SYNE1: variants seen among roughly 807,000 people sequenced by gnomAD.
The protein encoded by SYNE1 is nesprin-1.
Under a neutral mutation model 1,111.0 loss-of-function variants are expected in SYNE1, and 616 were observed. The ratio of observed to expected loss-of-function variants is 0.55; its 90% CI spans 0.52 to 0.59. The LOEUF (loss-of-function observed/expected upper bound fraction) is 0.59. SYNE1 is among the 20% of genes least tolerant of loss of function. The pLI, the probability that SYNE1 is intolerant of heterozygous loss-of-function variation, is 0.00. For missense variants in SYNE1, 10,006 were observed against 10,417.0 expected (o/e 0.96, Z 1.72); for synonymous variants, 3,855 against 3,825.8 (o/e 1.01, Z -0.28).
At chr6:152,560,570 C>T (rs2099392012) in intron 3 of SYNE1, among the ~76,000 whole-genome samples, 1 of 152,124 alleles carries the variant, frequency 6.6e-6, no homozygotes, top group African/African-American at 2.4e-5. Context: ...GAATGAACCA[C>T]TTCCACACTC....
At chr6:152,465,761 A>G (rs1377108277) in intron 17 of SYNE1, among the ~76,000 whole-genome samples, 1 of 54,990 alleles carries the variant, frequency 1.8e-5, no homozygotes, top group Admixed American at 1.5e-4. Context: ...TCTTAGAAGA[A>G]CACATACACA....
At chr6:152,304,073 A>T (rs778625672) in intron 91 of SYNE1, among the ~76,000 whole-genome samples, 17 of 152,270 alleles carry the variant, frequency 1.1e-4, no homozygotes, top group Non-Finnish European at 2.4e-4. Flanking sequence ...AGGATTTAAA[A>T]AGTAGACATC....
chr6:152,554,555 GT>G (rs796434602), intron 3 of SYNE1, among the ~76,000 whole-genome samples: 33 of 152,048 alleles, frequency 2.2e-4, no homozygotes, highest in African/African-American at 7.2e-4. Context: ...AGACATCTTA[GT>G]TTTTTTTATC....
chr6:152,628,044 C>CAAAAAAAAAAAAAAAAAAAAA (rs66815986), intron 3 of SYNE1, among the ~76,000 whole-genome samples: 3 of 103,368 alleles, frequency 2.9e-5, no homozygotes, highest in Admixed American at 1.1e-4. Flanking sequence ...CACAAAATTA[C>CAAAAAAAAAAAAAAAAAAAAA]AAAAAAAAAA....
chr6:152,201,676 G>C, intron 127 of SYNE1, 148 bp downstream of exon 127: 1 of 1,089,840 alleles, frequency 9.2e-7, no homozygotes, highest in Non-Finnish European at 1.4e-6. Flanking sequence ...AGCCATACAA[G>C]TTTCACCTGA....
At chr6:152,178,272 CTT>C (rs2066982238) in intron 129 of SYNE1, among the ~76,000 whole-genome samples, 1 of 151,986 alleles carries the variant, frequency 6.6e-6, no homozygotes, top group African/African-American at 2.4e-5. Context: ...TAGAGACAAA[CTT>C]AATCAAAATT....
rs535758033 is a variant in SYNE1 at position 152,548,016 on chromosome 6, T to C, written c.68-7995A>G. Among the ~76,000 whole-genome samples, 4 of 152,332 alleles carry C rather than the reference T, an allele frequency of 2.6e-5. No individual in the cohort carries two copies. The East Asian group carries it at 5.8e-4, about 22-fold the overall frequency. On this transcript the variant is annotated intron_variant, in intron 3 of 145. Transcript: ENST00000367255. ...ATATGTAAGTTGTATTCATCAATTATACCTCAATAAGGCTGGGGAAAAAAG... is the reference window on the plus strand; with the variant it reads ...ATATGTAAGTTGTATTCATCAATTACACCTCAATAAGGCTGGGGAAAAAAG...
chr6:152,574,792 CT>C (rs558140108), intron 3 of SYNE1, among the ~76,000 whole-genome samples: 367 of 152,190 alleles, frequency 2.4e-3, no homozygotes, highest in African/African-American at 8.0e-3. Flanking sequence ...TTCAGGCACA[CT>C]AACACTTTCA....
intron 104 of SYNE1, among the ~76,000 whole-genome samples, chr6:152,253,332 A>G (rs2089858235): frequency 6.6e-6 from 1 of 152,220 alleles, no homozygotes; most frequent in Non-Finnish European, 1.5e-5. Flanking sequence ...TTATAATACT[A>G]CTACTAATAA....
intron 2 of SYNE1, among the ~76,000 whole-genome samples, chr6:152,630,299 C>T (rs1034076075): frequency 6.6e-6 from 1 of 152,108 alleles, no homozygotes; most frequent in Non-Finnish European, 1.5e-5. Flanking sequence ...CTCTTGGCTA[C>T]TTGAAAGGAG....
Position 152,407,208 on chromosome 6 carries a change from A to T in SYNE1, c.6541-12T>A, listed in dbSNP as rs2097913765. ...AGTTTCTCTGATACCTAGGAGAGAAACAGAAGCCATGGCATTCATAGTCAG... is the reference window on the plus strand; with the variant it reads ...AGTTTCTCTGATACCTAGGAGAGAATCAGAAGCCATGGCATTCATAGTCAG... On this transcript the variant is annotated splice_polypyrimidine_tract_variant and intron_variant, in intron 44 of 145. Transcript: ENST00000367255. 2.5e-6 allele frequency: 4 copies of T among 1,613,462 alleles called. No homozygotes were observed. Among genetic ancestry groups the T allele is most frequent in the Non-Finnish European group, 3.4e-6 (4 of 1,179,760 alleles).
intron 121 of SYNE1, among the ~76,000 whole-genome samples, chr6:152,216,592 C>CA (rs2078730418): frequency 6.6e-6 from 1 of 152,056 alleles, no homozygotes; most frequent in Admixed American, 6.6e-5. Context: ...GGCTATGGTG[C>CA]AACAGAATAA....
Position 152,140,103 on chromosome 6 carries a change from C to A in SYNE1, c.25305G>T (p.Met8435Ile), listed in dbSNP as rs758254064. ...GCTGCCACTTCTGGAGGTTCTGCTT[C>A]ATCCTCAACTCCTTGCTCAATGCCT... Reference protein sequence around the residue: ...QAQALSKELRMKQNLQKWQQF... With the variant: ...QAQALSKELRIKQNLQKWQQF... The change falls in exon 140 of 146, where the codon ATG (methionine) becomes ATT (isoleucine). Residue 8435 changes from methionine (M) to isoleucine (I), a missense_variant. Transcript: ENST00000367255. 24 of 1,614,084 alleles carry A rather than the reference C, an allele frequency of 1.5e-5. No individual in the cohort carries two copies. Among genetic ancestry groups the A allele is most frequent in the Non-Finnish European group, 1.9e-5 (22 of 1,180,046 alleles).
intron 3 of SYNE1, among the ~76,000 whole-genome samples, chr6:152,558,955 A>G (rs1352119690): frequency 2.6e-5 from 4 of 151,118 alleles, no homozygotes; most frequent in Non-Finnish European, 4.4e-5. Flanking sequence ...AGACCACAAA[A>G]CAAGTCTTAA....
chr6:152,628,323 G>T lies in SYNE1; in HGVS notation c.9C>A (p.Thr3=), dbSNP rs751014333. The change falls in exon 3 of 146, where the codon ACC becomes ACA. Residue 3 remains threonine, a synonymous_variant. Transcript: ENST00000367255. MA[T]SRGASRCPRD... ...GAGGACACCGGGAGGCCCCTCTGGA[G>T]GTTGCCATGGTCCCTCCGGAAGCAC... is the stretch of plus-strand genomic sequence containing the variant. 6.2e-7 allele frequency: 1 copy of T among 1,614,062 alleles called. No homozygotes were observed. Among genetic ancestry groups the T allele is most frequent in the Non-Finnish European group, 8.5e-7 (1 of 1,180,042 alleles).
At chr6:152,123,042 G>A (rs1056198258) in intron 145 of SYNE1, among the ~76,000 whole-genome samples, 4 of 152,220 alleles carry the variant, frequency 2.6e-5, no homozygotes, top group Non-Finnish European at 2.9e-5. Context: ...GATATTTGAT[G>A]CAGCATATTT....
intron 40 of SYNE1, 127 bp from the exon 41 acceptor site, chr6:152,417,142 C>G: frequency 7.4e-7 from 1 of 1,357,806 alleles, no homozygotes; most frequent in South Asian, 1.3e-5. Context: ...TAAAGGTCAT[C>G]TACAGTGAAT....
intron 20 of SYNE1, 119 bp downstream of exon 20, chr6:152,462,619 A>G (rs546193656): frequency 1.4e-5 from 16 of 1,181,332 alleles, no homozygotes; most frequent in Non-Finnish European, 2.0e-5. Context: ...GGACATACAG[A>G]CATGTCAAAA....
In SYNE1 at chr6:152,232,146, C is replaced by T; in HGVS notation, c.20832G>A (p.Lys6944=). The T allele has an allele frequency of 1.2e-6, 2 of 1,601,772 alleles. No homozygotes were observed. Among genetic ancestry groups the T allele is most frequent in the Non-Finnish European group, 1.7e-6 (2 of 1,169,090 alleles). The change falls in exon 113 of 146, where the codon AAG becomes AAA. Residue 6944 remains lysine (K), a synonymous_variant. Transcript: ENST00000367255. ...ATTTCTGAAGGTATTCATGAATTGC[C>T]TTGTAACCTATGGAATTTTTAATAT... ...EDNIKNSIGY[K]AIHEYLQKYK...
Sources: gnomAD v4.1 joint callset for allele counts (sites outside exome capture counted in the v4.1 genomes callset) on GRCh38, gnomAD v4.1.1 for gene constraint, MANE v1.5 for transcripts, NCBI Gene and HGNC (gene_info 2026-07-23, HGNC 2026-07-21) for gene names.